The following NCOA7 variants were observed in gnomAD, a reference collection of about 807,000 sequenced individuals.
NCOA7 encodes the protein nuclear receptor coactivator 7.
NCOA7 carries 45 observed loss-of-function variants against 104.3 expected under a neutral mutation model. The observed-to-expected ratio is 0.43, with a 90% CI of 0.34 to 0.55. The LOEUF is 0.55. Ranked by LOEUF, NCOA7 falls within the 20% of genes least tolerant of loss-of-function variation. NCOA7 has a pLI of 0.02. For synonymous variants in NCOA7, 398 were observed against 402.3 expected (o/e 0.99, Z 0.13); for missense variants, 1,041 against 1,119.7 (o/e 0.93, Z 1.00).
intron 2 of NCOA7, among the ~76,000 whole-genome samples, chr6:125,847,720 A>G (rs968256492): frequency 6.6e-6 from 1 of 152,226 alleles, no homozygotes; most frequent in South Asian, 2.1e-4. Flanking sequence ...AACCTAGGCA[A>G]TGCCATTCAG....
chr6:125,785,307 C>T (rs1459300665), intron 1 of NCOA7, among the ~76,000 whole-genome samples: 1 of 152,076 alleles, frequency 6.6e-6, no homozygotes, highest in Non-Finnish European at 1.5e-5. Flanking sequence ...CACTGCGCTC[C>T]AGCCTCGGCA....
intron 2 of NCOA7, among the ~76,000 whole-genome samples, chr6:125,820,587 A>G (rs978290415): frequency 6.6e-6 from 1 of 151,894 alleles, no homozygotes; most frequent in African/African-American, 2.4e-5. Flanking sequence ...TTCAAGTAAA[A>G]TGAAACCAAG....
intron 1 of NCOA7, among the ~76,000 whole-genome samples, chr6:125,805,783 A>G (rs189369056): frequency 5.3e-4 from 80 of 152,244 alleles, no homozygotes; most frequent in African/African-American, 1.9e-3. Context: ...TTTGGGGCGG[A>G]TTTGAATGTG....
At position 125,929,666 on chromosome 6, in the gene NCOA7, C is replaced by T. The variant is rs1441621881; in HGVS notation, c.*895C>T. On this transcript the variant is annotated 3_prime_UTR_variant, in exon 16 of 16. Transcript: ENST00000392477. ...GAACATATTCGTGTGAAAAAGAATA[C>T]ATCATTTCTCACAGTCTTAAGTTGA... 6.6e-6 allele frequency: 1 copy of T among 152,062 alleles called. No homozygotes were observed. Among genetic ancestry groups the T allele is most frequent in the East Asian group, 1.9e-4 (1 of 5,196 alleles). 9.4% of individuals were successfully genotyped at this position (152,062 alleles called of 1,614,324 possible).
chr6:125,875,297 G>C (rs1783266691), intron 4 of NCOA7: 1 of 207,928 alleles, frequency 4.8e-6, no homozygotes, highest in Non-Finnish European at 1.0e-5. Flanking sequence ...TCTGGAGCTT[G>C]GATGAAGAGG....
At chr6:125,912,043 G>C (rs186409410) in intron 10 of NCOA7, among the ~76,000 whole-genome samples, 1 of 152,334 alleles carries the variant, frequency 6.6e-6, no homozygotes, top group East Asian at 1.9e-4. Context: ...ACTTTCTACT[G>C]ATAATGAGAA....
Position 125,915,455 on chromosome 6 carries a change from G to T in NCOA7, c.2219G>T (p.Ser740Ile), listed in dbSNP as rs1439941369. Residue 740 changes from serine (S) to isoleucine (I), a missense_variant, in exon 11 of 16, where the codon AGT becomes ATT. Ser to Ile is a moderately radical substitution (Grantham distance 142, BLOSUM62 -2). Coordinates refer to ENST00000392477, the MANE Select transcript of NCOA7 (RefSeq NM_181782.5). ...CTGAACATGATTGACAACTTCTTCA[G>T]TGAGCCAACAACCAAGAGCTGGGAG... is the stretch of plus-strand genomic sequence containing the variant. The part of the protein sequence containing the change: ...EELNMIDNFF[S>I]EPTTKSWEII... 1.2e-6 allele frequency: 2 copies of T among 1,613,850 alleles called. No individual in the cohort carries two copies. The highest frequency in any genetic ancestry group is 2.2e-5 in the South Asian group (2 of 91,074).
chr6:125,781,503 T>C (rs1774226479), intron 1 of NCOA7: 1 of 152,152 alleles, frequency 6.6e-6, no homozygotes, highest in Non-Finnish European at 1.5e-5. Flanking sequence ...ATTAAGATAA[T>C]AAGATAGAAA....
chr6:125,912,531 C>T (rs887590793), intron 10 of NCOA7, among the ~76,000 whole-genome samples: 7 of 152,188 alleles, frequency 4.6e-5, no homozygotes, highest in African/African-American at 1.4e-4. Flanking sequence ...GCTGTGAAGG[C>T]CCTGAGCTCT....
rs1212334350 is a variant in NCOA7 at position 125,862,993 on chromosome 6, TCAAAAAAA to T, written c.271+7766_271+7773del. ...CTGGGTGACAGAGTGAGACTTCGTC[TCAAAAAAA>T]CAAAAAAACAAACAAAAAACCCTAC... On this transcript the variant is annotated intron_variant, in intron 3 of 15. Coordinates refer to ENST00000392477, the MANE Select transcript of NCOA7 (RefSeq NM_181782.5). Among the ~76,000 whole-genome samples the T allele has an allele frequency of 5.8e-5, 8 of 138,380 alleles. 1 individual carries two copies. The highest frequency in any genetic ancestry group is 1.8e-4 in the African/African-American group (6 of 33,286). The allele number at this position is 138,380 out of a possible 152,430, so 90.8% of individuals were successfully genotyped here. A position where few individuals can be genotyped will look rare whatever the true frequency, so the allele number is the denominator to read the frequency against.
At chr6:125,841,366 A>G (rs778322922) in intron 2 of NCOA7, among the ~76,000 whole-genome samples, 3 of 152,100 alleles carry the variant, frequency 2.0e-5, no homozygotes, top group Non-Finnish European at 4.4e-5. Context: ...AGTATATTCT[A>G]TAATGTTTGT....
intron 2 of NCOA7, among the ~76,000 whole-genome samples, chr6:125,822,380 G>A (rs1156297642): frequency 2.0e-5 from 3 of 152,160 alleles, no homozygotes; most frequent in Non-Finnish European, 4.4e-5. Context: ...AATAATAGCA[G>A]TTGTTGGAAC....
At chr6:125,785,723 C>T (rs1774434763) in intron 1 of NCOA7, among the ~76,000 whole-genome samples, 1 of 151,924 alleles carries the variant, frequency 6.6e-6, no homozygotes, top group African/African-American at 2.4e-5. Flanking sequence ...ACAGACTATT[C>T]GTAGAAGAAA....
At chr6:125,790,753 G>C (rs957203084), upstream of NCOA7, 10 of 152,286 alleles carry the variant, frequency 6.6e-5, no homozygotes, top group Non-Finnish European at 1.2e-4. Context: ...CCGGGACCCC[G>C]TAGCGGCCCA....
At chr6:125,916,162 C>A (rs1240241655) in intron 11 of NCOA7, among the ~76,000 whole-genome samples, 1 of 152,214 alleles carries the variant, frequency 6.6e-6, no homozygotes, top group Non-Finnish European at 1.5e-5. Context: ...GGAGTTCTCA[C>A]AAGATCTGAT....
At chr6:125,881,387 A>G (rs768256215) in intron 6 of NCOA7, among the ~76,000 whole-genome samples, 184 bp downstream of exon 6, 6 of 152,124 alleles carry the variant, frequency 3.9e-5, no homozygotes, top group Non-Finnish European at 8.8e-5. Flanking sequence ...AAAGGCAAAA[A>G]TGGCCAGACA....
intron 2 of NCOA7, among the ~76,000 whole-genome samples, chr6:125,846,326 G>T (rs631990): frequency 0.28 from 42,537 of 151,122 alleles, 6,703 homozygotes; most frequent in South Asian, 0.44. Flanking sequence ...AAGACCCTTG[G>T]GATGGTTTAG....
chr6:125,813,790 G>A (rs549438), intron 1 of NCOA7, among the ~76,000 whole-genome samples: 89,131 of 151,932 alleles, frequency 0.59, 30,475 homozygotes, highest in East Asian at 0.87. Flanking sequence ...GTGTGCTCAG[G>A]ATACCTGGGG....
chr6:125,895,700 A>G (rs1375977822), intron 10 of NCOA7, among the ~76,000 whole-genome samples: 1 of 152,158 alleles, frequency 6.6e-6, no homozygotes, highest in East Asian at 1.9e-4. Context: ...CCAAGGCAGA[A>G]GACAAAGACA....
Sources: allele counts gnomAD v4.1 joint callset (sites outside exome capture counted in the v4.1 genomes callset), GRCh38; gene constraint gnomAD v4.1.1; transcripts MANE v1.5; gene names NCBI Gene and HGNC (gene_info 2026-07-23, HGNC 2026-07-21).